Variants in GNB1 observed in about 807,000 individuals in gnomAD.
GNB1 encodes G protein subunit beta 1, also known as guanine nucleotide-binding protein G(I)/G(S)/G(T) subunit beta-1.
GNB1 carries 2 observed loss-of-function variants against 42.9 expected under a neutral mutation model. The ratio of observed to expected loss-of-function variants is 0.05; its 90% CI spans 0.02 to 0.15. The LOEUF is 0.15. GNB1 is among the 10% of genes least tolerant of loss of function. The pLI is 1.00. For missense variants in GNB1, 193 were observed against 462.2 expected (o/e 0.42, Z 5.34); for synonymous variants, 183 against 174.7 (o/e 1.05, Z -0.38).
chr1:1,818,651 T>G (rs1646889353), intron 3 of GNB1, among the ~76,000 whole-genome samples: 1 of 151,878 alleles, frequency 6.6e-6, no homozygotes, highest in South Asian at 2.1e-4. Flanking sequence ...TCACCTGAGG[T>G]CAGGAGTTCA....
chr1:1,841,117 C>T (rs1647230307), intron 1 of GNB1, among the ~76,000 whole-genome samples: 1 of 152,052 alleles, frequency 6.6e-6, no homozygotes, highest in South Asian at 2.1e-4. Context: ...GTCTCGATCT[C>T]CTGACCTCGT....
At position 1,786,527 on chromosome 1, in the gene GNB1, C is replaced by G. The variant is rs1646409849; in HGVS notation, c.*536G>C. 1 of 157,214 alleles carries G rather than the reference C, an allele frequency of 6.4e-6. No homozygotes were observed. 9.7% of individuals were successfully genotyped at this position (157,214 alleles called of 1,614,324 possible). A position where few individuals can be genotyped will look rare whatever the true frequency, so the allele number is the denominator to read the frequency against. ...ACAACATCAGAGAGGCTGCCCTAGACTCTCTGGTTTTGATTAACTGTTGAA... is the reference window on the plus strand; with the variant it reads ...ACAACATCAGAGAGGCTGCCCTAGAGTCTCTGGTTTTGATTAACTGTTGAA... On this transcript the variant is annotated 3_prime_UTR_variant, in exon 12 of 12. Coordinates refer to ENST00000378609, the MANE Select transcript of GNB1 (RefSeq NM_002074.5).
Position 1,785,862 on chromosome 1 carries a change from G to A in GNB1, c.*1201C>T. 5.2e-6 allele frequency: 2 copies of A among 384,394 alleles called. No individual in the cohort carries two copies. Among genetic ancestry groups the A allele is most frequent in the Non-Finnish European group, 9.2e-6 (2 of 217,104 alleles). 23.8% of individuals were successfully genotyped at this position (384,394 alleles called of 1,614,324 possible). A position where few individuals can be genotyped will look rare whatever the true frequency, so the allele number is the denominator to read the frequency against. ...ACTTATCCCGCTACCCAAGCGTGTA[G>A]AGCCGCGCGCTGTACTGCTTCCGAT... On this transcript the variant is annotated 3_prime_UTR_variant, in exon 12 of 12. Coordinates refer to ENST00000378609, the MANE Select transcript of GNB1 (RefSeq NM_002074.5).
intron 2 of GNB1, among the ~76,000 whole-genome samples, chr1:1,834,243 G>C (rs1352209972): frequency 6.6e-6 from 1 of 152,070 alleles, no homozygotes; most frequent in Non-Finnish European, 1.5e-5. Flanking sequence ...CCAGGGGTGA[G>C]CCAGTGAGGC....
intron 1 of GNB1, among the ~76,000 whole-genome samples, chr1:1,887,729 C>T (rs950050408): frequency 6.6e-6 from 1 of 152,206 alleles, no homozygotes; most frequent in Non-Finnish European, 1.5e-5. Context: ...GATTCCCGTG[C>T]CTAAACCTCC....
chr1:1,876,475 G>A (rs913895609), intron 1 of GNB1, among the ~76,000 whole-genome samples: 3 of 148,852 alleles, frequency 2.0e-5, no homozygotes, highest in African/African-American at 7.5e-5. Context: ...GCAAGAGAGA[G>A]GACATGCATG....
At position 1,795,067 on chromosome 1, in the gene GNB1, C is replaced by A. The variant is rs142393498; in HGVS notation, c.431-1756G>T. On this transcript the variant is annotated intron_variant, in intron 7 of 11. Transcript: ENST00000378609. Reference sequence around the variant, plus strand: ...GCTCAAAATATTAACTACGTGCCTACGAAAGTATGCGTGGTCAAATACTTC... The same window carrying A: ...GCTCAAAATATTAACTACGTGCCTAAGAAAGTATGCGTGGTCAAATACTTC... 2.7e-3 allele frequency among the ~76,000 whole-genome samples: 415 copies of A among 152,312 alleles called. 1 individual carries two copies. Among genetic ancestry groups the A allele is most frequent in the Non-Finnish European group, 5.0e-3 (340 of 68,028 alleles).
At chr1:1,829,592 C>G (rs1446210889) in intron 2 of GNB1, among the ~76,000 whole-genome samples, 1 of 152,142 alleles carries the variant, frequency 6.6e-6, no homozygotes, top group Non-Finnish European at 1.5e-5. Flanking sequence ...AGCAAACAAC[C>G]TTCTGGTTCC....
chr1:1,868,610 G>A lies in GNB1; in HGVS notation c.-96+22210C>T, dbSNP rs187919076. 4.1e-3 allele frequency among the ~76,000 whole-genome samples: 618 copies of A among 152,058 alleles called. 5 individuals carry two copies. The highest frequency in any genetic ancestry group is 8.7e-3 in the Admixed American group (133 of 15,260). ...AGCCTAGCCAAGATGGTGAAACCCC[G>A]TCTCTACTAAAAATACAAAAAAATT... is the stretch of plus-strand genomic sequence containing the variant. On this transcript the variant is annotated intron_variant, in intron 1 of 11. Transcript: ENST00000378609.
intron 1 of GNB1, among the ~76,000 whole-genome samples, chr1:1,875,847 C>A (rs12758203): frequency 6.3e-4 from 86 of 137,404 alleles, no homozygotes; most frequent in African/African-American, 2.2e-3. Context: ...TCCCCCCCCC[C>A]AAAATTCATG....
chr1:1,832,684 A>T (rs1209585838), intron 2 of GNB1, among the ~76,000 whole-genome samples: 1 of 152,186 alleles, frequency 6.6e-6, no homozygotes, highest in East Asian at 1.9e-4. Context: ...GACCCCTGAG[A>T]GTCTAGGAGG....
chr1:1,838,591 C>T (rs932985150), intron 2 of GNB1, among the ~76,000 whole-genome samples: 4 of 151,790 alleles, frequency 2.6e-5, no homozygotes, highest in African/African-American at 9.7e-5. Flanking sequence ...ACTACAGGCG[C>T]CCACCACCGC....
intron 1 of GNB1, among the ~76,000 whole-genome samples, chr1:1,887,142 A>C (rs1650200741): frequency 6.6e-6 from 1 of 152,244 alleles, no homozygotes. Context: ...ATCTATTACC[A>C]ATCCACTAAT....
intron 7 of GNB1, among the ~76,000 whole-genome samples, chr1:1,801,408 G>A (rs1646624959): frequency 6.6e-6 from 1 of 152,184 alleles, no homozygotes; most frequent in Non-Finnish European, 1.5e-5. Context: ...ATACAACAAT[G>A]CATCATGGAG....
In GNB1 at chr1:1,865,268, C is replaced by CA. The variant is rs1015168717; in HGVS notation, c.-96+25551dup. Among the ~76,000 whole-genome samples, 574 of 118,370 alleles carry CA rather than the reference C, an allele frequency of 4.8e-3. 3 individuals carry two copies. Among genetic ancestry groups the CA allele is most frequent in the African/African-American group, 9.7e-3 (311 of 31,962 alleles). The allele number at this position is 118,370 out of a possible 152,430, so 77.7% of individuals were successfully genotyped here. A position where few individuals can be genotyped will look rare whatever the true frequency, so the allele number is the denominator to read the frequency against. ...CAGAGTGAGACTCCATCTCAAAAAACAAAAAAAAAACAAAAAAAAACCAAA... is the reference window on the plus strand; with the variant it reads ...CAGAGTGAGACTCCATCTCAAAAAACAAAAAAAAAAACAAAAAAAAACCAAA... On this transcript the variant is annotated intron_variant, in intron 1 of 11. Transcript: ENST00000378609.
At chr1:1,866,081 G>T (rs988226723) in intron 1 of GNB1, among the ~76,000 whole-genome samples, 2 of 152,072 alleles carry the variant, frequency 1.3e-5, no homozygotes, top group Non-Finnish European at 2.9e-5. Flanking sequence ...TGGGATTACA[G>T]GCATGCACCA....
At chr1:1,857,404 C>T (rs146563136) in intron 1 of GNB1, among the ~76,000 whole-genome samples, 48 of 152,256 alleles carry the variant, frequency 3.2e-4, no homozygotes, top group African/African-American at 9.6e-4. Context: ...CAGGGTTCAA[C>T]GCAGCCTAGG....
rs2100892057 is a variant in GNB1, at chr1:1,818,073, A to G, written c.58-198T>C. The G allele has an allele frequency of 6.0e-6, 3 of 496,804 alleles. No individual in the cohort carries two copies. The South Asian group carries it at 6.1e-5, about 10-fold the overall frequency. 30.8% of individuals were successfully genotyped at this position (496,804 alleles called of 1,614,324 possible). A position where few individuals can be genotyped will look rare whatever the true frequency, so the allele number is the denominator to read the frequency against. On this transcript the variant is annotated intron_variant, in intron 3 of 11. Coordinates refer to ENST00000378609, the MANE Select transcript of GNB1 (RefSeq NM_002074.5). The stretch of plus-strand genomic sequence containing the variant: ...GTGGACTGTCCAGGCCACGCTGAAC[A>G]GAGAACCAGTAGTACCCAAATCTGT...
At chr1:1,856,718 G>A (rs574773875) in intron 1 of GNB1, among the ~76,000 whole-genome samples, 67 of 152,246 alleles carry the variant, frequency 4.4e-4, no homozygotes, top group African/African-American at 1.6e-3. Flanking sequence ...GAGCCACTGC[G>A]CCTGGCCTAG....
Sources: gnomAD v4.1 joint callset for allele counts (sites outside exome capture counted in the v4.1 genomes callset) on GRCh38, gnomAD v4.1.1 for gene constraint, MANE v1.5 for transcripts, NCBI Gene and HGNC (gene_info 2026-07-23, HGNC 2026-07-21) for gene names.